Variants in PTPN21 observed in about 807,000 individuals in gnomAD.
PTPN21 encodes the protein tyrosine-protein phosphatase non-receptor type 21.
Under a neutral mutation model 131.8 loss-of-function variants are expected in PTPN21, and 77 were observed. The observed-to-expected ratio is 0.58, with a 90% CI of 0.49 to 0.71. The LOEUF is 0.71. Among genes scored for constraint, PTPN21 ranks in the 30% least tolerant of loss-of-function variants. The pLI is 0.00. For missense variants in PTPN21, 1,552 were observed against 1,527.1 expected (o/e 1.02, Z -0.27); for synonymous variants, 715 against 621.3 (o/e 1.15, Z -2.24).
intron 3 of PTPN21, among the ~76,000 whole-genome samples, chr14:88,510,915 A>AT (rs34231515): frequency 0.35 from 50,527 of 144,222 alleles, 9,182 homozygotes; most frequent in African/African-American, 0.48. Context: ...AGACAGATAG[A>AT]TTTTTTTTTT....
At chr14:88,527,853 G>C (rs1485859811) in intron 2 of PTPN21, among the ~76,000 whole-genome samples, 1 of 152,142 alleles carries the variant, frequency 6.6e-6, no homozygotes, top group Non-Finnish European at 1.5e-5. Context: ...TGAGGATCCA[G>C]TTTCATTATT....
At chr14:88,535,869 G>C (rs1019616924) in intron 2 of PTPN21, among the ~76,000 whole-genome samples, 1 of 152,148 alleles carries the variant, frequency 6.6e-6, no homozygotes, top group Non-Finnish European at 1.5e-5. Context: ...TCTCTTCCTT[G>C]AGTCCAAATC....
At chr14:88,507,301 CAT>C (rs2078106310) in intron 4 of PTPN21, among the ~76,000 whole-genome samples, 1 of 152,050 alleles carries the variant, frequency 6.6e-6, no homozygotes, top group Admixed American at 6.6e-5. Context: ...TGTATATAGT[CAT>C]GTGTCAAGGA....
At chr14:88,545,995 TAA>T (rs991650692) in intron 2 of PTPN21, among the ~76,000 whole-genome samples, 25 of 77,840 alleles carry the variant, frequency 3.2e-4, no homozygotes, top group Admixed American at 4.8e-4. Flanking sequence ...CTGTCTCAAA[TAA>T]AAAAAAAAAA....
chr14:88,472,536 G>T, intron 14 of PTPN21, 71 bp from the exon 15 acceptor site: 1 of 969,272 alleles, frequency 1.0e-6, no homozygotes, highest in Non-Finnish European at 1.6e-6. Context: ...CTGTATATTT[G>T]AAATCTTGTT....
chr14:88,531,248 T>C (rs1177319876), intron 2 of PTPN21, among the ~76,000 whole-genome samples: 2 of 152,158 alleles, frequency 1.3e-5, no homozygotes, highest in Non-Finnish European at 2.9e-5. Flanking sequence ...ATGATAATAG[T>C]GACACAACCT....
At chr14:88,484,887 C>A (rs201656143) in intron 12 of PTPN21, among the ~76,000 whole-genome samples, 189 bp downstream of exon 12, 1 of 151,260 alleles carries the variant, frequency 6.6e-6, no homozygotes. Flanking sequence ...ACTCTGTCTC[C>A]AAAAAAACAA....
chr14:88,485,240 T>A (rs779072786), intron 11 of PTPN21, 80 bp from the exon 12 acceptor site: 10 of 883,956 alleles, frequency 1.1e-5, no homozygotes, highest in Non-Finnish European at 1.7e-5. Flanking sequence ...ACTGGATTCT[T>A]TCTGTTAAAA....
chr14:88,547,593 C>CA (rs2078801814), intron 2 of PTPN21: 2 of 447,108 alleles, frequency 4.5e-6, no homozygotes, highest in African/African-American at 4.0e-5. Flanking sequence ...TTTGAGGATG[C>CA]ATTGAGCTAT....
chr14:88,525,307 T>C (rs2078457990), intron 2 of PTPN21, among the ~76,000 whole-genome samples: 1 of 150,254 alleles, frequency 6.7e-6, no homozygotes, highest in African/African-American at 2.4e-5. Flanking sequence ...AAGGAGAAAA[T>C]ATTTGCAAAT....
chr14:88,479,672 T>G lies in PTPN21; in HGVS notation c.1759A>C (p.Ile587Leu). 1 of 1,517,488 alleles carries G rather than the reference T, an allele frequency of 6.6e-7. No individual in the cohort carries two copies. Among genetic ancestry groups the G allele is most frequent in the Non-Finnish European group, 8.8e-7 (1 of 1,142,016 alleles). 94.0% of individuals were successfully genotyped at this position (1,517,488 alleles called of 1,614,324 possible). The change falls in exon 13 of 19, where the codon ATC becomes CTC. Residue 587 changes from isoleucine to leucine, a missense_variant. This residue lies in a region of PTPN21 where 1,016 missense variants were observed against 883.5 expected (regional missense o/e 1.15). Transcript: ENST00000556564. ...STPDLSRHLYISSSNPDLITR... is the reference protein window; with the variant it reads ...STPDLSRHLYLSSSNPDLITR... Reference sequence around the variant, plus strand: ...ATGAGGTCGGGGTTGCTGCTGCTGATGTAAAGGTGGCGGGACAGGTCTGGC... The same window carrying G: ...ATGAGGTCGGGGTTGCTGCTGCTGAGGTAAAGGTGGCGGGACAGGTCTGGC...
intron 2 of PTPN21, among the ~76,000 whole-genome samples, chr14:88,541,329 C>T (rs1172267388): frequency 6.6e-6 from 1 of 152,144 alleles, no homozygotes; most frequent in South Asian, 2.1e-4. Flanking sequence ...TGTTTATGAA[C>T]AAATTGCTCA....
intron 2 of PTPN21, among the ~76,000 whole-genome samples, chr14:88,541,065 T>G (rs1159262815): frequency 6.6e-6 from 1 of 152,160 alleles, no homozygotes; most frequent in African/African-American, 2.4e-5. Context: ...TTATTTAAAA[T>G]AACAAAACTA....
At chr14:88,493,627 C>T (rs57336841) in intron 10 of PTPN21, among the ~76,000 whole-genome samples, 5,625 of 152,312 alleles carry the variant, frequency 0.037, 352 homozygotes, top group African/African-American at 0.13. Flanking sequence ...ATCCAGAAGA[C>T]TGACTGCATA....
chr14:88,547,494 T>TA (rs1181406117), intron 2 of PTPN21: 606 of 274,192 alleles, frequency 2.2e-3, no homozygotes, highest in South Asian at 3.2e-3. Flanking sequence ...AAACACAAGT[T>TA]AAAAAAAAAA....
chr14:88,473,964 CATT>C (rs1002438996), intron 13 of PTPN21, 162 bp from the exon 14 acceptor site: 10 of 574,386 alleles, frequency 1.7e-5, no homozygotes, highest in Non-Finnish European at 2.9e-5. Flanking sequence ...GTTTAACAAA[CATT>C]AGTAGGAAGA....
intron 9 of PTPN21, 93 bp downstream of exon 9, chr14:88,497,110 C>T: frequency 1.0e-6 from 1 of 996,486 alleles, no homozygotes; most frequent in Non-Finnish European, 1.6e-6. Context: ...CATTTTAATG[C>T]TGCCCTGCCT....
Position 88,472,339 on chromosome 14 carries a change from G to A in PTPN21, c.2776C>T (p.Arg926Ter), listed in dbSNP as rs1183308188. ...ARLPENAERN[R>*]FQDVLPYDDV... ...TCATAAGGAAGAACATCTTGGAATC[G>A]ATTTCTTTCTGCATTTTCAGGGAGT... The change falls in exon 15 of 19, where the codon CGA becomes TGA. Residue 926 changes from arginine to a stop codon, truncating the protein, a stop_gained. Transcript: ENST00000556564. LOFTEE classifies it high-confidence loss of function. The A allele has an allele frequency of 1.9e-6, 3 of 1,613,500 alleles. No individual in the cohort carries two copies. Among genetic ancestry groups the A allele is most frequent in the East Asian group, 2.2e-5 (1 of 44,882 alleles).
rs2297127 is a variant in PTPN21 at position 88,473,948 on chromosome 14, C to A, written c.2512-146G>T. The A allele has an allele frequency of 1.5e-5, 9 of 618,852 alleles. No individual in the cohort carries two copies. The East Asian group carries it at 2.2e-4, about 15-fold the overall frequency. The allele number at this position is 618,852 out of a possible 1,614,324, so 38.3% of individuals were successfully genotyped here. A position where few individuals can be genotyped will look rare whatever the true frequency, so the allele number is the denominator to read the frequency against. On this transcript the variant is annotated intron_variant, in intron 13 of 18. Transcript: ENST00000556564. The stretch of plus-strand genomic sequence containing the variant: ...CAGAAAGATTACACTCCTTCACACA[C>A]CACTTGTTTAACAAACATTAGTAGG...
Sources: allele counts gnomAD v4.1 joint callset (sites outside exome capture counted in the v4.1 genomes callset), GRCh38; gene constraint gnomAD v4.1.1; regional missense constraint gnomAD v4.1.1; transcripts MANE v1.5; gene names NCBI Gene and HGNC (gene_info 2026-07-23, HGNC 2026-07-21).